Variants in DSE observed in about 807,000 individuals in gnomAD.
DSE encodes dermatan-sulfate epimerase.
In DSE, 36 loss-of-function variants were observed where a neutral mutation model predicts 84.4. The observed-to-expected ratio is 0.43, with a 90% confidence interval of 0.33 to 0.56. The LOEUF (loss-of-function observed/expected upper bound fraction) is 0.56, where lower values mean the gene tolerates loss of function less well. DSE is among the 20% of genes least tolerant of loss of function. The pLI, the probability that DSE is intolerant of heterozygous loss-of-function variation, is 0.06. For missense variants in DSE, 862 were observed against 1,169.6 expected, an observed-to-expected ratio of 0.74 and a Z score of 3.84; for synonymous variants, 410 against 430.1, an observed-to-expected ratio of 0.95 and a Z score of 0.58.
intron 2 of DSE, among the ~76,000 whole-genome samples, chr6:116,362,204 A>G (rs1778940508): frequency 6.6e-6 from 1 of 152,252 alleles, no homozygotes; most frequent in Non-Finnish European, 1.5e-5. Context: ...TCTAAGTGTT[A>G]AGAACTATTG....
At chr6:116,386,735 A>G (rs1780598968) in intron 1 of DSE, among the ~76,000 whole-genome samples, 1 of 152,290 alleles carries the variant, frequency 6.6e-6, no homozygotes, top group Non-Finnish European at 1.5e-5. Context: ...CGAGTGTATA[A>G]AAACCTCTTT....
chr6:116,301,719 G>A (rs1775053040), intron 2 of DSE, among the ~76,000 whole-genome samples: 1 of 152,020 alleles, frequency 6.6e-6, no homozygotes, highest in African/African-American at 2.4e-5. Context: ...ACATGCCATG[G>A]TGGTTTGCTA....
chr6:116,258,524 A>G (rs778754594), exon 2 of DSE: 79 of 1,300,186 alleles, frequency 6.1e-5, no homozygotes, highest in Non-Finnish European at 8.3e-5. Context: ...ATGCTCCAAG[A>G]AGGCCACACG....
chr6:116,309,313 C>CACATACATACAT (rs145676578), intron 2 of DSE, among the ~76,000 whole-genome samples: 36 of 150,266 alleles, frequency 2.4e-4, no homozygotes, highest in Admixed American at 9.3e-4. Flanking sequence ...ATTTGGAATA[C>CACATACATACAT]ACATACATAC....
At chr6:116,416,536 T>C (rs111517297) in intron 2 of DSE, among the ~76,000 whole-genome samples, 3 of 152,112 alleles carry the variant, frequency 2.0e-5, no homozygotes. Flanking sequence ...TTAAAATAGA[T>C]GGTATATTTT....
chr6:116,304,740 T>A lies in DSE; in HGVS notation c.-54+45773T>A, dbSNP rs558648188. ...CTGCCCTGGTTGACTGACTCAGGGG[T>A]TCCTCAGTTCTTCAGGGAAATCCCC... is the stretch of plus-strand genomic sequence containing the variant. On this transcript the variant is annotated intron_variant, in intron 2 of 3. Transcript: ENST00000430252. Among the ~76,000 whole-genome samples, 3 of 152,236 alleles carry A rather than the reference T, an allele frequency of 2.0e-5. No homozygotes were observed. The South Asian group carries it at 6.2e-4, about 32-fold the overall frequency.
intron 1 of DSE, among the ~76,000 whole-genome samples, chr6:116,397,435 G>A (rs2114989926): frequency 6.6e-6 from 1 of 152,010 alleles, no homozygotes; most frequent in African/African-American, 2.4e-5. Flanking sequence ...TTCAACTCCT[G>A]ACCTCAAGGG....
intron 2 of DSE, among the ~76,000 whole-genome samples, chr6:116,425,840 T>G (rs144671575): frequency 0.014 from 2,183 of 152,156 alleles, 50 homozygotes; most frequent in African/African-American, 0.05. Context: ...GCCAAGATGG[T>G]CTCGATCTCC....
chr6:116,431,915 C>G (rs1783865342), intron 4 of DSE, among the ~76,000 whole-genome samples: 1 of 152,124 alleles, frequency 6.6e-6, no homozygotes, highest in Non-Finnish European at 1.5e-5. Flanking sequence ...AGATTCCCCC[C>G]CTTCCCCAAG....
intron 2 of DSE, among the ~76,000 whole-genome samples, chr6:116,328,050 C>T (rs7750094): frequency 0.98 from 148,957 of 152,330 alleles, 72,928 homozygotes; most frequent in East Asian, 1. Context: ...ACATACTCAA[C>T]TGCTACAGCA....
At chr6:116,341,851 A>G (rs1428839248) in intron 2 of DSE, among the ~76,000 whole-genome samples, 1 of 152,122 alleles carries the variant, frequency 6.6e-6, no homozygotes, top group Non-Finnish European at 1.5e-5. Flanking sequence ...ATTGGTCTAT[A>G]TATCTGTTTT....
chr6:116,318,803 T>G (rs1203518019), intron 2 of DSE, among the ~76,000 whole-genome samples: 3 of 152,226 alleles, frequency 2.0e-5, no homozygotes, highest in Non-Finnish European at 4.4e-5. Context: ...TAAATCAGCT[T>G]CTTTTCTACT....
rs771702078 is a variant in DSE at position 116,278,505 on chromosome 6, C to T, written c.-54+19538C>T. The T allele has an allele frequency of 2.5e-6, 4 of 1,613,756 alleles. No individual in the cohort carries two copies. In the South Asian group the frequency reaches 3.3e-5, roughly 13 times the overall value. On this transcript the variant is annotated intron_variant, in intron 2 of 3. Transcript: ENST00000430252. The stretch of plus-strand genomic sequence containing the variant: ...AGGAGACCTTGTGCAGGAGTATTCC[C>T]AAGGGCAAATGTTAACCAGACTGGA...
chr6:116,312,204 C>T (rs773055163), intron 2 of DSE, among the ~76,000 whole-genome samples: 5 of 152,044 alleles, frequency 3.3e-5, no homozygotes, highest in African/African-American at 7.2e-5. Context: ...TGGAAGTCAG[C>T]GGTGACAGGA....
rs150299693 is a variant in DSE at position 116,374,668 on chromosome 6, C to G, written c.-54+3547C>G. On this transcript the variant is annotated intron_variant, in intron 1 of 5. Transcript: ENST00000644252. ...CTGCATCTGGGGAGGGCTTTCTTGCCGGTGGGGACTCTACAGAGCTCCGAG... is the reference window on the plus strand; with the variant it reads ...CTGCATCTGGGGAGGGCTTTCTTGCGGGTGGGGACTCTACAGAGCTCCGAG... Among the ~76,000 whole-genome samples, 498 of 152,186 alleles carry G rather than the reference C, an allele frequency of 3.3e-3. 4 individuals carry two copies. Among genetic ancestry groups the G allele is most frequent in the African/African-American group, 0.011 (463 of 41,516 alleles).
At chr6:116,316,361 GAT>G (rs1775978035) in intron 2 of DSE, among the ~76,000 whole-genome samples, 1 of 151,970 alleles carries the variant, frequency 6.6e-6, no homozygotes, top group Non-Finnish European at 1.5e-5. Flanking sequence ...GCCTGTGACT[GAT>G]ATCTACAGAC....
intron 3 of DSE, among the ~76,000 whole-genome samples, chr6:116,429,991 T>C (rs1322176976): frequency 6.6e-6 from 1 of 152,180 alleles, no homozygotes; most frequent in East Asian, 1.9e-4. Context: ...GAGTTGTTAT[T>C]GTCAACTAAG....
At chr6:116,331,530 G>A (rs1398982481) in intron 2 of DSE, among the ~76,000 whole-genome samples, 2 of 152,154 alleles carry the variant, frequency 1.3e-5, no homozygotes, top group Non-Finnish European at 2.9e-5. Context: ...CCAATATATG[G>A]GGATTACAAT....
intron 2 of DSE, among the ~76,000 whole-genome samples, chr6:116,275,082 T>C (rs1233587440): frequency 6.6e-6 from 1 of 152,220 alleles, no homozygotes; most frequent in Non-Finnish European, 1.5e-5. Context: ...CATTTTTCTT[T>C]CCATACTGAG....
Sources: allele counts gnomAD v4.1 joint callset (sites outside exome capture counted in the v4.1 genomes callset), GRCh38; gene constraint gnomAD v4.1.1; transcripts MANE v1.5; gene names NCBI Gene and HGNC (gene_info 2026-07-23, HGNC 2026-07-21).